Variants in PNN observed in about 807,000 individuals in gnomAD.
PNN encodes the protein pinin, desmosome associated protein.
In PNN, 38 loss-of-function variants were observed where a neutral mutation model predicts 76.6. That is an observed-to-expected ratio of 0.50 (90% CI 0.38 to 0.65). The LOEUF (loss-of-function observed/expected upper bound fraction) is 0.65, where lower values mean the gene tolerates loss of function less well. PNN is among the 30% of genes least tolerant of loss of function. The probability of loss-of-function intolerance (pLI) is 0.00; values close to 1 mark genes in which losing one functional copy is unlikely to be tolerated. For synonymous variants in PNN, 366 were observed against 283.7 expected (o/e 1.29, Z -2.91); for missense variants, 873 against 874.1 (o/e 1.00, Z 0.02).
intron 6 of PNN, 69 bp from the exon 7 acceptor site, chr14:39,179,022 A>T: frequency 7.1e-7 from 1 of 1,408,746 alleles, no homozygotes; most frequent in Non-Finnish European, 9.7e-7. Context: ...AATTGAACTG[A>T]AATCATATAT....
chr14:39,179,819 T>G (rs942571575), intron 8 of PNN, among the ~76,000 whole-genome samples: 28 of 152,058 alleles, frequency 1.8e-4, no homozygotes, highest in African/African-American at 6.8e-4. Context: ...GGAGAATCAC[T>G]TGAACCTGGG....
Position 39,180,711 on chromosome 14 carries a change from A to C in PNN, c.1002A>C (p.Ala334=). ...ACAATGATGTAGAAATAGAGGAAGC[A>C]GGAGAGGAAGAGGAAAAGGAAATAG... The part of the protein sequence containing the change: ...NQHNDVEIEE[A]GEEEEKEIAI... Residue 334 remains alanine (A), a synonymous_variant, in exon 9 of 9, where the codon GCA becomes GCC. Transcript: ENST00000216832. 1.2e-6 allele frequency: 2 copies of C among 1,600,574 alleles called. No individual in the cohort carries two copies. The highest frequency in any genetic ancestry group is 1.7e-6 in the Non-Finnish European group (2 of 1,172,204).
At chr14:39,176,707 G>A in intron 3 of PNN, 112 bp downstream of exon 3, 8 of 674,094 alleles carry the variant, frequency 1.2e-5, no homozygotes, top group Non-Finnish European at 2.0e-5. Context: ...TGAGTGGTAT[G>A]CCACTCCCTG....
intron 6 of PNN, among the ~76,000 whole-genome samples, chr14:39,178,702 C>A (rs2053247770): frequency 6.8e-6 from 1 of 147,554 alleles, no homozygotes; most frequent in African/African-American, 2.5e-5. Flanking sequence ...CTGTGCCCGG[C>A]CTGCAGATAC....
At position 39,181,510 on chromosome 14, in the gene PNN, A is replaced by G. The variant is rs1320479511; in HGVS notation, c.1801A>G (p.Ser601Gly). 6.2e-7 allele frequency: 1 copy of G among 1,600,394 alleles called. No homozygotes were observed. The highest frequency in any genetic ancestry group is 2.3e-5 in the East Asian group (1 of 43,836). ...SSGSSSSSGSSSSRSSSSSSS... is the reference protein window; with the variant it reads ...SSGSSSSSGSGSSRSSSSSSS... ...TGGAAGTAGTTCCAGCAGTGGAAGTAGTAGCAGTCGCAGTAGTTCCAGTAG... is the reference window on the plus strand; with the variant it reads ...TGGAAGTAGTTCCAGCAGTGGAAGTGGTAGCAGTCGCAGTAGTTCCAGTAG... Residue 601 changes from serine (S) to glycine (G), a missense_variant, in exon 9 of 9, where the codon AGT becomes GGT. Ser to Gly is a moderately conservative substitution (Grantham distance 56). Around this residue, in one of 3 missense-constraint regions of PNN, gnomAD observed 712 missense variants for 693.1 expected, o/e 1.03. Coordinates refer to ENST00000216832, the MANE Select transcript of PNN (RefSeq NM_002687.4).
rs371660977 is a variant in PNN at position 39,180,970 on chromosome 14, G to C, written c.1261G>C (p.Ala421Pro). The C allele has an allele frequency of 1.9e-6, 3 of 1,613,624 alleles. No individual in the cohort carries two copies. Among genetic ancestry groups the C allele is most frequent in the East Asian group, 4.5e-5 (2 of 44,896 alleles). Residue 421 changes from alanine to proline, a missense_variant, in exon 9 of 9, where the codon GCT becomes CCT. By Grantham distance (27) the Ala-to-Pro change is conservative. Coordinates refer to ENST00000216832, the MANE Select transcript of PNN (RefSeq NM_002687.4). ...VESVEPSENEASKELEPEMEF... is the reference protein window; with the variant it reads ...VESVEPSENEPSKELEPEMEF... ...AAGTGTAGAACCTTCAGAAAATGAA[G>C]CTAGCAAAGAATTGGAACCAGAAAT... is the stretch of plus-strand genomic sequence containing the variant.
chr14:39,178,669 G>T (rs1271171238), intron 6 of PNN, among the ~76,000 whole-genome samples: 2 of 148,424 alleles, frequency 1.3e-5, no homozygotes, highest in Non-Finnish European at 3.0e-5. Context: ...CTCCCAGAGT[G>T]CTGGGATGAC....
intron 1 of PNN, 46 bp downstream of exon 1, chr14:39,175,438 C>T: frequency 8.2e-7 from 1 of 1,216,676 alleles, no homozygotes; most frequent in Non-Finnish European, 1.2e-6. Flanking sequence ...GGAGAGGCAG[C>T]CCTCAGGTCG....
rs2053274355 is a variant in PNN, at chr14:39,182,023, C to T, written c.*160C>T. ...TGTTTGTTTACCAGACATTCTTGTA[C>T]TTTTTGCATAATTTTGTAAGAGTTA... On this transcript the variant is annotated 3_prime_UTR_variant, in exon 9 of 9. Transcript: ENST00000216832. The T allele has an allele frequency of 1.6e-6, 1 of 621,842 alleles. No homozygotes were observed. The highest frequency in any genetic ancestry group is 2.5e-6 in the Non-Finnish European group (1 of 392,460). 38.5% of individuals were successfully genotyped at this position (621,842 alleles called of 1,614,324 possible). A position where few individuals can be genotyped will look rare whatever the true frequency, so the allele number is the denominator to read the frequency against.
At chr14:39,178,823 C>T (rs906508612) in intron 6 of PNN, among the ~76,000 whole-genome samples, 1 of 151,978 alleles carries the variant, frequency 6.6e-6, no homozygotes, top group Non-Finnish European at 1.5e-5. Flanking sequence ...CTGCAACCTC[C>T]GCCTCTGGGG....
chr14:39,179,112 G>C lies in PNN; in HGVS notation c.520G>C (p.Glu174Gln). The change falls in exon 7 of 9, where the codon GAA becomes CAA. Residue 174 changes from glutamate to glutamine, a missense_variant. By Grantham distance (29) the Glu-to-Gln change is conservative. Transcript: ENST00000216832. ...TERQKRRQEI[E>Q]QKLEVQAEEE... ...TTAGCAAAAGCGGCGCCAGGAAATTGAACAAAAACTTGAAGTTCAGGCAGA... is the reference window on the plus strand; with the variant it reads ...TTAGCAAAAGCGGCGCCAGGAAATTCAACAAAAACTTGAAGTTCAGGCAGA... The C allele has an allele frequency of 6.2e-7, 1 of 1,611,182 alleles. No homozygotes were observed.
rs752331630 is a variant in PNN, at chr14:39,180,918, G to T, written c.1209G>T (p.Gln403His). ...ATGTCAAACATGTAATTGCTGACCA[G>T]GAGGTAATGGAAACTAATCGAGTTG... ...VENVKHVIAD[Q>H]EVMETNRVES... The change falls in exon 9 of 9, where the codon CAG (glutamine) becomes CAT (histidine). Residue 403 changes from glutamine (Q) to histidine (H), a missense_variant. Physicochemically the swap from Gln to His is conservative, Grantham distance 24. Transcript: ENST00000216832. 6.2e-7 allele frequency: 1 copy of T among 1,614,134 alleles called. No homozygotes were observed. The highest frequency in any genetic ancestry group is 8.5e-7 in the Non-Finnish European group (1 of 1,180,006).
At chr14:39,177,714 A>G in intron 5 of PNN, 27 bp downstream of exon 5, 1 of 1,548,428 alleles carries the variant, frequency 6.5e-7, no homozygotes, top group Non-Finnish European at 8.9e-7. Flanking sequence ...AAAAAACTCT[A>G]GTGAAATAAT....
chr14:39,181,764 C>T lies in PNN; in HGVS notation c.2055C>T (p.Ser685=), dbSNP rs567019438. 1.1e-4 allele frequency: 179 copies of T among 1,613,816 alleles called. No homozygotes were observed. Among genetic ancestry groups the T allele is most frequent in the East Asian group, 6.0e-4 (27 of 44,888 alleles). ...TKGSKDKNSR[S]DRKRSISESS... is the part of the protein sequence containing the mutation. ...GATCAAAGGATAAGAATTCCCGGTC[C>T]GACAGAAAGAGGTCTATATCAGAGA... The change falls in exon 9 of 9, where the codon TCC becomes TCT. Residue 685 remains serine (S), a synonymous_variant. Coordinates refer to ENST00000216832, the MANE Select transcript of PNN (RefSeq NM_002687.4).
At chr14:39,180,185 T>G (rs2053259236) in intron 8 of PNN, among the ~76,000 whole-genome samples, 1 of 152,182 alleles carries the variant, frequency 6.6e-6, no homozygotes, top group Admixed American at 6.5e-5. Context: ...AATTAATATA[T>G]ATGATTTTAT....
At chr14:39,177,270 C>T (rs1378833920) in intron 3 of PNN, 142 bp from the exon 4 acceptor site, 6 of 648,012 alleles carry the variant, frequency 9.3e-6, no homozygotes, top group Non-Finnish European at 1.6e-5. Flanking sequence ...CCTGTAGTCC[C>T]AGCTGCTTGG....
Position 39,179,477 on chromosome 14 carries a change from A to C in PNN, c.793+15A>C. ...AAAAATGAACGGTAAGTATGCGAAG[A>C]GGTCCATTGAATTGTTCATAGTGGG... On this transcript the variant is annotated intron_variant, in intron 8 of 8. Transcript: ENST00000216832. 6.2e-7 allele frequency: 1 copy of C among 1,606,184 alleles called. No individual in the cohort carries two copies. Among genetic ancestry groups the C allele is most frequent in the Non-Finnish European group, 8.5e-7 (1 of 1,176,524 alleles).
intron 1 of PNN, chr14:39,175,647 G>A: frequency 1.9e-6 from 1 of 519,414 alleles, no homozygotes; most frequent in Non-Finnish European, 3.4e-6. Context: ...CCTGTGAGAA[G>A]ACCCGGACTG....
At chr14:39,176,178 C>G (rs150089177) in intron 2 of PNN, 29 bp downstream of exon 2, 3 of 1,182,012 alleles carry the variant, frequency 2.5e-6, no homozygotes, top group South Asian at 2.4e-5. Context: ...TTTACTCATG[C>G]TGAAACTACT....
Sources: gnomAD v4.1 joint callset for allele counts (sites outside exome capture counted in the v4.1 genomes callset) on GRCh38, gnomAD v4.1.1 for gene constraint, gnomAD v4.1.1 regional missense constraint, MANE v1.5 for transcripts, NCBI Gene and HGNC (gene_info 2026-07-23, HGNC 2026-07-21) for gene names.